The following DOCK1 variants were observed in gnomAD, a reference collection of about 807,000 sequenced individuals.
DOCK1 encodes dedicator of cytokinesis protein 1.
A neutral mutation model predicts 262.7 loss-of-function variants in DOCK1; 138 were observed. The observed-to-expected ratio is 0.53, with a 90% CI of 0.46 to 0.61. The LOEUF (loss-of-function observed/expected upper bound fraction) is 0.61, where lower values mean the gene tolerates loss of function less well. DOCK1 is among the 20% of genes least tolerant of loss of function. The pLI is 0.00. For missense variants in DOCK1, 1,908 were observed against 2,370.7 expected (o/e 0.80, Z 4.05); for synonymous variants, 866 against 867.4 (o/e 1.00, Z 0.03).
chr10:127,349,803 T>C (rs1197968537), intron 31 of DOCK1, among the ~76,000 whole-genome samples: 1 of 152,164 alleles, frequency 6.6e-6, no homozygotes, highest in Non-Finnish European at 1.5e-5. Flanking sequence ...TGTGGCTGTT[T>C]TACTCCAATC....
intron 13 of DOCK1, among the ~76,000 whole-genome samples, chr10:127,019,576 G>A (rs1468532042): frequency 3.9e-5 from 6 of 152,012 alleles, no homozygotes; most frequent in Admixed American, 2.0e-4. Flanking sequence ...GCGAAACCCC[G>A]TCTTGACAAA....
chr10:127,012,344 G>A lies in DOCK1; in HGVS notation c.1171G>A (p.Ala391Thr), dbSNP rs543157521. 9.3e-6 allele frequency: 15 copies of A among 1,613,998 alleles called. No homozygotes were observed. In the East Asian group the frequency reaches 1.1e-4, roughly 12 times the overall value. Residue 391 changes from alanine (A) to threonine (T), a missense_variant, in exon 12 of 52, where the codon GCT becomes ACT. By Grantham distance (58) the Ala-to-Thr change is moderately conservative. Around this residue, in one of 9 missense-constraint regions of DOCK1, gnomAD observed 294 missense variants for 439.9 expected, o/e 0.67. Transcript: ENST00000623213. The surrounding 1 kb of genome is among the most constrained non-coding windows in gnomAD (Gnocchi z 4.0). ...TCAGACTGTTATAAACAAAGTCATC[G>A]CTGCCAAAGAAGTCAACCACAAGGG... Reference protein sequence around the residue: ...FLQTVINKVIAAKEVNHKGQG... With the variant: ...FLQTVINKVITAKEVNHKGQG...
At chr10:126,989,072 CAA>C (rs5788816) in intron 5 of DOCK1, among the ~76,000 whole-genome samples, 4 of 129,048 alleles carry the variant, frequency 3.1e-5, no homozygotes, top group Admixed American at 7.7e-5. Flanking sequence ...GACCCCTTCT[CAA>C]AAAAAAAAAA....
intron 29 of DOCK1, among the ~76,000 whole-genome samples, chr10:127,300,507 AC>A (rs2061644330): frequency 1.3e-5 from 2 of 152,200 alleles, no homozygotes; most frequent in South Asian, 4.1e-4. Context: ...CGTGGGGATC[AC>A]CCTTCAGGAA....
chr10:127,156,559 CTTCTTTTTTTTTTT>C (rs1332491867), intron 27 of DOCK1, among the ~76,000 whole-genome samples: 1 of 60,180 alleles, frequency 1.7e-5, no homozygotes, highest in African/African-American at 7.9e-5. Context: ...TCTTCTTCTT[CTTCTTTTTTTTTTT>C]TTTTTTTTTT....
chr10:126,954,842 G>T (rs910418880), intron 1 of DOCK1, among the ~76,000 whole-genome samples: 228 of 152,168 alleles, frequency 1.5e-3, no homozygotes, highest in Non-Finnish European at 2.9e-3. Flanking sequence ...TAGACATTTG[G>T]GTTGCTTCTG....
chr10:127,303,899 A>G (rs2061780793), intron 29 of DOCK1, among the ~76,000 whole-genome samples: 2 of 152,198 alleles, frequency 1.3e-5, no homozygotes, highest in Admixed American at 6.5e-5. Context: ...AGCATCATGT[A>G]ATCGCGATGT....
At chr10:127,233,775 A>T (rs186363558) in intron 27 of DOCK1, among the ~76,000 whole-genome samples, 5 of 152,322 alleles carry the variant, frequency 3.3e-5, no homozygotes, top group Admixed American at 1.3e-4. Flanking sequence ...AAAAATGTTG[A>T]TCTTCTAAGT....
chr10:127,211,526 G>A (rs1299062094), intron 27 of DOCK1, among the ~76,000 whole-genome samples: 1 of 152,206 alleles, frequency 6.6e-6, no homozygotes, highest in African/African-American at 2.4e-5. Context: ...GTTTCACAGA[G>A]GAAATATAAC....
intron 27 of DOCK1, among the ~76,000 whole-genome samples, chr10:127,190,350 C>G (rs1194780579): frequency 6.6e-6 from 1 of 152,116 alleles, no homozygotes; most frequent in East Asian, 1.9e-4. Context: ...CCTTTAATTC[C>G]TGCTACACAA....
At chr10:127,137,828 C>T in intron 27 of DOCK1, 1 of 1,609,636 alleles carries the variant, frequency 6.2e-7, no homozygotes, top group Non-Finnish European at 8.5e-7. Context: ...ACTCCAGACA[C>T]CGTGAGTGTT....
rs544823315 is a variant in DOCK1 at position 127,403,754 on chromosome 10, G to A, written c.4018-571G>A. ...AGCCTGGGCAACAGAGTGAGAGTCC[G>A]TCTCAAAAAACAAAAAAACCTGACC... On this transcript the variant is annotated intron_variant, in intron 39 of 51. Transcript: ENST00000623213. Among the ~76,000 whole-genome samples the A allele has an allele frequency of 1.4e-3, 212 of 152,206 alleles. 1 individual carries two copies. The highest frequency in any genetic ancestry group is 4.9e-3 in the African/African-American group (203 of 41,536).
At position 126,974,932 on chromosome 10, in the gene DOCK1, G is replaced by C. The variant is rs573874836; in HGVS notation, c.131-3016G>C. Among the ~76,000 whole-genome samples the C allele has an allele frequency of 2.6e-5, 4 of 151,900 alleles. No homozygotes were observed. The South Asian group carries it at 6.2e-4, about 24-fold the overall frequency. On this transcript the variant is annotated intron_variant, in intron 2 of 51. Transcript: ENST00000623213. ...TAGGAAGGCCATTAGAAGAGGAATC[G>C]ACTGCCTATGAACATTAAATAAAGA...
At chr10:127,189,834 AAAT>A (rs1268866983) in intron 27 of DOCK1, among the ~76,000 whole-genome samples, 1 of 152,174 alleles carries the variant, frequency 6.6e-6, no homozygotes, top group East Asian at 1.9e-4. Context: ...AAAAAGACAA[AAAT>A]AATCTTTATG....
chr10:127,057,527 T>G (rs2045242008), intron 22 of DOCK1, among the ~76,000 whole-genome samples: 1 of 152,240 alleles, frequency 6.6e-6, no homozygotes, highest in Admixed American at 6.5e-5. Flanking sequence ...CATTTTGTTT[T>G]GAAATGAGAA....
chr10:127,269,225 T>G (rs189308385), intron 29 of DOCK1, among the ~76,000 whole-genome samples: 98 of 152,272 alleles, frequency 6.4e-4, no homozygotes, highest in African/African-American at 2.2e-3. Context: ...GTTCAGAGCC[T>G]GACCTCCAGT....
At chr10:127,408,841 AC>A (rs1238208820) in intron 40 of DOCK1, among the ~76,000 whole-genome samples, 195 bp from the exon 41 acceptor site, 2 of 152,200 alleles carry the variant, frequency 1.3e-5, no homozygotes, top group Non-Finnish European at 2.9e-5. Flanking sequence ...GTATTAACTT[AC>A]ATGCTTGATG....
At chr10:127,450,143 A>G (rs1000392089) in intron 51 of DOCK1, among the ~76,000 whole-genome samples, 8 of 152,180 alleles carry the variant, frequency 5.3e-5, no homozygotes, top group Admixed American at 4.6e-4. Context: ...ATAAGGTCAT[A>G]CACTCATAGG....
rs1044059983 is a variant in DOCK1, at chr10:127,323,114, C to G, written c.3045-15892C>G. 1.2e-4 allele frequency among the ~76,000 whole-genome samples: 18 copies of G among 152,324 alleles called. 1 individual carries two copies. The East Asian group carries it at 1.9e-3, about 16-fold the overall frequency. ...TGGGAAGAATGGGAAGCCTGCCCCT[C>G]CCCTGTGGTGCATCTGGCATCCGAG... On this transcript the variant is annotated intron_variant, in intron 29 of 51. Transcript: ENST00000623213.
Sources: gnomAD v4.1 joint callset for allele counts (sites outside exome capture counted in the v4.1 genomes callset) on GRCh38, gnomAD v4.1.1 for gene constraint, gnomAD v4.1.1 regional missense constraint, Gnocchi (gnomAD v3.1) non-coding constraint, MANE v1.5 for transcripts, NCBI Gene and HGNC (gene_info 2026-07-23, HGNC 2026-07-21) for gene names.